The following EYA3 variants were observed in gnomAD, a reference collection of about 807,000 sequenced individuals.
EYA3 encodes the protein EYA transcriptional coactivator and phosphatase 3.
EYA3 carries 39 observed loss-of-function variants against 80.0 expected under a neutral mutation model. The observed-to-expected ratio is 0.49, with a 90% confidence interval of 0.38 to 0.64. EYA3 has a LOEUF of 0.64. Among genes scored for constraint, EYA3 ranks in the 30% least tolerant of loss-of-function variants. The probability of loss-of-function intolerance (pLI) is 0.00; values close to 1 mark genes in which losing one functional copy is unlikely to be tolerated. For missense variants in EYA3, 523 were observed against 676.1 expected (o/e 0.77, Z 2.51); for synonymous variants, 206 against 232.8 (o/e 0.88, Z 1.05).
intron 5 of EYA3, among the ~76,000 whole-genome samples, chr1:28,038,456 A>AAC (rs1347651237): frequency 6.6e-6 from 1 of 150,946 alleles, no homozygotes; most frequent in African/African-American, 2.4e-5. Context: ...AAAAAAAAAA[A>AAC]AAAAAAAACC....
At chr1:28,082,010 TAAAGA>T (rs996358545) in intron 1 of EYA3, among the ~76,000 whole-genome samples, 2 of 152,048 alleles carry the variant, frequency 1.3e-5, no homozygotes, top group African/African-American at 4.8e-5. Context: ...TAACTAAAAG[TAAAGA>T]ACATTCTAAA....
At chr1:28,045,555 GAAT>G (rs1025248555) in intron 3 of EYA3, among the ~76,000 whole-genome samples, 2 of 152,074 alleles carry the variant, frequency 1.3e-5, no homozygotes, top group African/African-American at 4.8e-5. Context: ...AATGGTCCTA[GAAT>G]ATTATGTTAT....
At chr1:27,997,171 G>A (rs943659682) in intron 13 of EYA3, 149 bp downstream of exon 13, 19 of 710,310 alleles carry the variant, frequency 2.7e-5, no homozygotes, top group Non-Finnish European at 4.4e-5. Flanking sequence ...TATACATCAC[G>A]GTTAACTATG....
At position 28,058,058 on chromosome 1, in the gene EYA3, G is replaced by A. The variant is rs367972728; in HGVS notation, c.-32C>T. 2.2e-4 allele frequency: 347 copies of A among 1,544,806 alleles called. 1 individual carries two copies. The highest frequency in any genetic ancestry group is 3.5e-5 in the Non-Finnish European group (40 of 1,139,992). The stretch of plus-strand genomic sequence containing the variant: ...CAATATTTCTTTATTATACTTATGT[G>A]ACTGGATTGCAAGTCTCTCTCAGCA... On this transcript the variant is annotated 5_prime_UTR_variant, in exon 2 of 18. Transcript: ENST00000373871.
chr1:27,984,176 A>G (rs980330857), intron 16 of EYA3, among the ~76,000 whole-genome samples: 3 of 152,116 alleles, frequency 2.0e-5, no homozygotes, highest in Non-Finnish European at 4.4e-5. Context: ...AGCTGGGATT[A>G]CAGGCACTCA....
intron 1 of EYA3, among the ~76,000 whole-genome samples, chr1:28,075,257 T>C (rs1645160805): frequency 6.6e-6 from 1 of 152,236 alleles, no homozygotes; most frequent in Non-Finnish European, 1.5e-5. Context: ...TTCTTAAATT[T>C]CCTTATGAAC....
At chr1:28,082,149 A>G (rs1051114040) in intron 1 of EYA3, among the ~76,000 whole-genome samples, 5 of 152,096 alleles carry the variant, frequency 3.3e-5, no homozygotes, top group African/African-American at 4.8e-5. Context: ...GTCTCAATTA[A>G]TAAGAGTTAA....
At chr1:28,082,412 GATCA>G (rs1645461763) in intron 1 of EYA3, among the ~76,000 whole-genome samples, 1 of 151,968 alleles carries the variant, frequency 6.6e-6, no homozygotes, top group Non-Finnish European at 1.5e-5. Flanking sequence ...ATCTTAATAT[GATCA>G]ATAATATTCT....
chr1:27,993,377 G>A, intron 14 of EYA3, 23 bp downstream of exon 14: 3 of 1,603,770 alleles, frequency 1.9e-6, no homozygotes, highest in Non-Finnish European at 1.7e-6. Flanking sequence ...CAGAGAATCA[G>A]ACTGGTTATA....
At chr1:27,989,241 T>G (rs994633097) in intron 15 of EYA3, among the ~76,000 whole-genome samples, 9 of 152,206 alleles carry the variant, frequency 5.9e-5, no homozygotes, top group African/African-American at 2.2e-4. Context: ...CACAGACTGG[T>G]GCATTTATTT....
intron 3 of EYA3, among the ~76,000 whole-genome samples, chr1:28,044,817 G>T (rs1294334409): frequency 6.6e-6 from 1 of 152,082 alleles, no homozygotes; most frequent in Non-Finnish European, 1.5e-5. Flanking sequence ...CGGTCACCCA[G>T]GCTGGAGTGC....
At chr1:28,061,516 G>C (rs536191107) in intron 1 of EYA3, among the ~76,000 whole-genome samples, 14 of 151,138 alleles carry the variant, frequency 9.3e-5, no homozygotes, top group South Asian at 6.2e-4. Context: ...TGCAAAACTT[G>C]GTAATAAAAG....
At chr1:27,989,650 A>G (rs896815098) in intron 15 of EYA3, 47 bp downstream of exon 15, 2 of 1,263,616 alleles carry the variant, frequency 1.6e-6, no homozygotes, top group Middle Eastern at 1.9e-4. Context: ...CTGGAGTAGA[A>G]GAATATGTCG....
intron 10 of EYA3, among the ~76,000 whole-genome samples, chr1:28,008,085 C>A (rs1404035656): frequency 6.6e-6 from 1 of 152,044 alleles, no homozygotes; most frequent in Non-Finnish European, 1.5e-5. Context: ...CAAATATGAT[C>A]AATTTTTCTT....
chr1:28,000,798 C>G (rs1211196905), intron 11 of EYA3, among the ~76,000 whole-genome samples: 1 of 152,142 alleles, frequency 6.6e-6, no homozygotes, highest in Non-Finnish European at 1.5e-5. Context: ...TACAGTGGCT[C>G]ACGCCTGTAA....
intron 1 of EYA3, among the ~76,000 whole-genome samples, chr1:28,070,576 G>T (rs1466994047): frequency 6.6e-6 from 1 of 151,228 alleles, no homozygotes; most frequent in Non-Finnish European, 1.5e-5. Context: ...AAAAGAGAAA[G>T]AAATGTAAAT....
chr1:27,982,006 T>A (rs1053030340), intron 16 of EYA3, among the ~76,000 whole-genome samples: 27 of 62,698 alleles, frequency 4.3e-4, no homozygotes, highest in Non-Finnish European at 6.9e-4. Flanking sequence ...ACCTGGCTAA[T>A]TTTTTTTTTT....
chr1:28,026,914 A>C (rs1642823140), intron 7 of EYA3, among the ~76,000 whole-genome samples: 1 of 152,252 alleles, frequency 6.6e-6, no homozygotes, highest in South Asian at 2.1e-4. Flanking sequence ...TTCTGAAAAC[A>C]GTTAAAACTG....
intron 1 of EYA3, among the ~76,000 whole-genome samples, chr1:28,081,285 G>C (rs533011344): frequency 6.6e-6 from 1 of 152,220 alleles, no homozygotes; most frequent in Non-Finnish European, 1.5e-5. Context: ...TATTCTCTTT[G>C]TGAAGCTCTA....
Sources: gnomAD v4.1 joint callset for allele counts (sites outside exome capture counted in the v4.1 genomes callset) on GRCh38, gnomAD v4.1.1 for gene constraint, MANE v1.5 for transcripts, NCBI Gene and HGNC (gene_info 2026-07-23, HGNC 2026-07-21) for gene names.